The following KRT10 variants were observed in gnomAD, a reference collection of about 807,000 sequenced individuals.
KRT10 encodes keratin, type I cytoskeletal 10.
In KRT10, 40 loss-of-function variants were observed where a neutral mutation model predicts 59.2. That is an observed-to-expected ratio of 0.68 (90% CI 0.52 to 0.88). The LOEUF (loss-of-function observed/expected upper bound fraction) is 0.88, where lower values mean the gene tolerates loss of function less well. KRT10 is among the 40% of genes least tolerant of loss of function. The pLI, the probability that KRT10 is intolerant of heterozygous loss-of-function variation, is 0.00. For missense variants in KRT10, 719 were observed against 749.1 expected (o/e 0.96, Z 0.47); for synonymous variants, 336 against 310.7 (o/e 1.08, Z -0.86).
At chr17:40,819,937 G>T in intron 5 of KRT10, 112 bp downstream of exon 5, 1 of 1,375,496 alleles carries the variant, frequency 7.3e-7, no homozygotes, top group South Asian at 1.2e-5. Flanking sequence ...GCTTCACTTT[G>T]TTTTCTCTTT....
At chr17:40,820,752 T>A in intron 2 of KRT10, 85 bp from the exon 3 acceptor site, 1 of 1,397,132 alleles carries the variant, frequency 7.2e-7, no homozygotes, top group Non-Finnish European at 1.0e-6. Flanking sequence ...AGCAGCTACA[T>A]AGTTGATCTC....
chr17:40,819,028 T>TGCCGCCG lies in KRT10; in HGVS notation c.1506_1507insCGGCGGC (p.Ser503ArgfsTer80). On this transcript the variant is annotated frameshift_variant, in exon 7 of 8. Transcript: ENST00000269576. LOFTEE classifies it high-confidence loss of function. ...CCGCCGGAGCTTCCGCCGCCGGAGC[T>TGCCGCCG]TCCGCCTCCGTAGCCGCCGCCGGAA... is the stretch of plus-strand genomic sequence containing the variant. 1 of 1,341,640 alleles carries TGCCGCCG rather than the reference T, an allele frequency of 7.5e-7. No homozygotes were observed. The highest frequency in any genetic ancestry group is 1.6e-5 in the South Asian group (1 of 63,998). 83.1% of individuals were successfully genotyped at this position (1,341,640 alleles called of 1,614,324 possible).
At chr17:40,819,961 C>G in intron 5 of KRT10, 88 bp downstream of exon 5, 1 of 1,496,084 alleles carries the variant, frequency 6.7e-7, no homozygotes, top group Non-Finnish European at 9.3e-7. Context: ...ACCTCCAACT[C>G]TGCATTTTTT....
chr17:40,822,218 C>T lies in KRT10; in HGVS notation c.368G>A (p.Gly123Asp). 6.2e-7 allele frequency: 1 copy of T among 1,611,300 alleles called. No individual in the cohort carries two copies. The highest frequency in any genetic ancestry group is 8.5e-7 in the Non-Finnish European group (1 of 1,177,800). ...AAAGCCTCCTCCAAAGCCGCCTCCACCAAAGCCGCCTCCACCAAAGCTGCC... is the reference window on the plus strand; with the variant it reads ...AAAGCCTCCTCCAAAGCCGCCTCCATCAAAGCCGCCTCCACCAAAGCTGCC... Reference protein sequence around the residue: ...GGGSFGGGGFGGGGFGGGFGG... With the variant: ...GGGSFGGGGFDGGGFGGGFGG... The change falls in exon 1 of 8, where the codon GGT becomes GAT. Residue 123 changes from glycine (G) to aspartate (D), a missense_variant. By Grantham distance (94) the Gly-to-Asp change is moderately conservative. Transcript: ENST00000269576.
rs1269455273 is a variant in KRT10, at chr17:40,819,606, C to G, written c.1284G>C (p.Gln428His). Residue 428 changes from glutamine to histidine, a missense_variant, in exon 6 of 8, where the codon CAG becomes CAC. Gln to His is a conservative substitution (Grantham distance 24). Around this residue, in one of 4 missense-constraint regions of KRT10, gnomAD observed 315 missense variants for 270.6 expected, o/e 1.16. Coordinates refer to ENST00000269576, the MANE Select transcript of KRT10 (RefSeq NM_000421.5). The part of the protein sequence containing the change: ...LQQIRAETEC[Q>H]NTEYQQLLDI... ...CCAGGAGTTGTTGGTATTCAGTATT[C>G]TGGCACTCGGTTTCAGCTCGAATCT... 1 of 1,614,200 alleles carries G rather than the reference C, an allele frequency of 6.2e-7. No homozygotes were observed. Among genetic ancestry groups the G allele is most frequent in the Non-Finnish European group, 8.5e-7 (1 of 1,180,038 alleles).
rs1199322798 is a variant in KRT10, at chr17:40,819,042, C to A, written c.1493G>T (p.Gly498Val). The change falls in exon 7 of 8, where the codon GGC becomes GTC. Residue 498 changes from glycine (G) to valine (V), a missense_variant. By Grantham distance (109) the Gly-to-Val change is moderately radical. Transcript: ENST00000269576. ...GGGHGGSSGG[G>V]YGGGSSGGGS... Reference sequence around the variant, plus strand: ...GCCGCCGGAGCTTCCGCCTCCGTAGCCGCCGCCGGAACTGCCGCCGTGGCC... The same window carrying A: ...GCCGCCGGAGCTTCCGCCTCCGTAGACGCCGCCGGAACTGCCGCCGTGGCC... The A allele has an allele frequency of 7.4e-7, 1 of 1,348,100 alleles. No individual in the cohort carries two copies. The highest frequency in any genetic ancestry group is 1.5e-5 in the South Asian group (1 of 65,936). 83.5% of individuals were successfully genotyped at this position (1,348,100 alleles called of 1,614,324 possible). A position where few individuals can be genotyped will look rare whatever the true frequency, so the allele number is the denominator to read the frequency against.
In KRT10 at chr17:40,821,021, A is replaced by G. The variant is rs1905350716; in HGVS notation, c.710+14T>C. 1.3e-6 allele frequency: 2 copies of G among 1,593,350 alleles called. No individual in the cohort carries two copies. Among genetic ancestry groups the G allele is most frequent in the Non-Finnish European group, 1.7e-6 (2 of 1,161,128 alleles). ...TTCGTTGTGATAGTATTATACAACG[A>G]TCACTTAACTTACTTCAGCCTGAAG... On this transcript the variant is annotated intron_variant, in intron 2 of 7. Coordinates refer to ENST00000269576, the MANE Select transcript of KRT10 (RefSeq NM_000421.5).
At position 40,819,117 on chromosome 17, in the gene KRT10, T is replaced by TAGCCGCCGCCGAAACTTCCGCCGCCGC. The variant is rs1567707667; in HGVS notation, c.1391_1417dup (p.Gly472_Tyr473insCysGlyGlyGlySerPheGlyGlyGly). Reference sequence around the variant, plus strand: ...TCCGCCGCCGGAGCTTCCGCCGCCGTAGCCGCCGCCGAAACTTCCGCCGCC... The same window carrying TAGCCGCCGCCGAAACTTCCGCCGCCGC: ...TCCGCCGCCGGAGCTTCCGCCGCCGTAGCCGCCGCCGAAACTTCCGCCGCCGCAGCCGCCGCCGAAACTTCCGCCGCC... On this transcript the variant is annotated inframe_insertion, in exon 7 of 8. Coordinates refer to ENST00000269576, the MANE Select transcript of KRT10 (RefSeq NM_000421.5). 6.6e-7 allele frequency: 1 copy of TAGCCGCCGCCGAAACTTCCGCCGCCGC among 1,509,828 alleles called. No homozygotes were observed. Among genetic ancestry groups the TAGCCGCCGCCGAAACTTCCGCCGCCGC allele is most frequent in the Non-Finnish European group, 8.8e-7 (1 of 1,141,268 alleles). The allele number at this position is 1,509,828 out of a possible 1,614,324, so 93.5% of individuals were successfully genotyped here. A position where few individuals can be genotyped will look rare whatever the true frequency, so the allele number is the denominator to read the frequency against.
At position 40,822,006 on chromosome 17, in the gene KRT10, G is replaced by A. The variant is rs771197683; in HGVS notation, c.580C>T (p.Arg194Cys). 4 of 1,614,028 alleles carry A rather than the reference G, an allele frequency of 2.5e-6. No individual in the cohort carries two copies. Among genetic ancestry groups the A allele is most frequent in the Middle Eastern group, 1.6e-4 (1 of 6,062 alleles). Residue 194 changes from arginine to cysteine, a missense_variant, in exon 1 of 8, where the codon CGT (arginine) becomes TGT (cysteine). Transcript: ENST00000269576. ...GTTTTGTAGTATTTGCTGTAGTCAC[G>A]AGGCTCCCCCTGATGTGAGTTGCCA... Reference protein sequence around the residue: ...KHGNSHQGEPRDYSKYYKTID... With the variant: ...KHGNSHQGEPCDYSKYYKTID...
At position 40,818,851 on chromosome 17, in the gene KRT10, A is replaced by G. The variant is rs746333926; in HGVS notation, c.1684T>C (p.Ser562Pro). ...GAGGAGGACTTGTGGCCTCCGCTGG[A>G]GCTGCCGCCGCCGTATCCGCCGCCG... ...SSGGGYGGGS[S>P]SGGHKSSSSG... is the part of the protein sequence containing the mutation. Residue 562 changes from serine (S) to proline (P), a missense_variant, in exon 7 of 8, where the codon TCC (serine) becomes CCC (proline). Around this residue, in one of 4 missense-constraint regions of KRT10, gnomAD observed 315 missense variants for 270.6 expected, o/e 1.16. Transcript: ENST00000269576. 7.1e-7 allele frequency: 1 copy of G among 1,404,494 alleles called. No homozygotes were observed. Among genetic ancestry groups the G allele is most frequent in the Non-Finnish European group, 9.5e-7 (1 of 1,054,680 alleles). 87.0% of individuals were successfully genotyped at this position (1,404,494 alleles called of 1,614,324 possible).
chr17:40,820,490 A>G (rs928004082), intron 3 of KRT10, 21 bp downstream of exon 3: 13 of 1,614,188 alleles, frequency 8.1e-6, no homozygotes, highest in Non-Finnish European at 1.1e-5. Flanking sequence ...TTGGCTGGGA[A>G]AAGTATAACT....
chr17:40,819,530 C>T lies in KRT10; in HGVS notation c.1360G>A (p.Glu454Lys). Residue 454 changes from glutamate (E) to lysine (K), a missense_variant, in exon 6 of 8, where the codon GAA (glutamate) becomes AAA (lysine). By Grantham distance (56) the Glu-to-Lys change is moderately conservative. Around this residue, in one of 4 missense-constraint regions of KRT10, gnomAD observed 315 missense variants for 270.6 expected, o/e 1.16. Transcript: ENST00000269576. Reference protein sequence around the residue: ...NEIQTYRSLLEGEGSSGGGGR... With the variant: ...NEIQTYRSLLKGEGSSGGGGR... The stretch of plus-strand genomic sequence containing the variant: ...TTTAAAATTTACCTTCCCTCTCCTT[C>T]TAGCAGGCTGCGGTAGGTTTGAATT... 6.2e-7 allele frequency: 1 copy of T among 1,613,962 alleles called. No homozygotes were observed. The highest frequency in any genetic ancestry group is 8.5e-7 in the Non-Finnish European group (1 of 1,179,780).
In KRT10 at chr17:40,819,829, T is replaced by A. The variant is rs1020605341; in HGVS notation, c.1156-95A>T. The A allele has an allele frequency of 6.2e-5, 75 of 1,218,878 alleles. No individual in the cohort carries two copies. The African/African-American group carries it at 1.0e-3, about 17-fold the overall frequency. 75.5% of individuals were successfully genotyped at this position (1,218,878 alleles called of 1,614,324 possible). On this transcript the variant is annotated intron_variant, in intron 5 of 7. Transcript: ENST00000269576. ...TTTAGTAAGGCATTATATAGAAGAA[T>A]AAGAAAATGAACAGAATTTGTTGTA...
Position 40,819,038 on chromosome 17 carries a change from G to A in KRT10, c.1497C>T (p.Tyr499=). ...GGHGGSSGGG[Y]GGGSSGGGSS... Reference sequence around the variant, plus strand: ...TTCCGCCGCCGGAGCTTCCGCCTCCGTAGCCGCCGCCGGAACTGCCGCCGT... The same window carrying A: ...TTCCGCCGCCGGAGCTTCCGCCTCCATAGCCGCCGCCGGAACTGCCGCCGT... The change falls in exon 7 of 8, where the codon TAC becomes TAT. Residue 499 remains tyrosine (Y), a synonymous_variant. Transcript: ENST00000269576. The A allele has an allele frequency of 2.2e-6, 3 of 1,379,536 alleles. No individual in the cohort carries two copies. The highest frequency in any genetic ancestry group is 3.0e-5 in the South Asian group (2 of 66,528). The allele number at this position is 1,379,536 out of a possible 1,614,324, so 85.5% of individuals were successfully genotyped here.
Position 40,821,055 on chromosome 17 carries a change from T to C in KRT10, c.690A>G (p.Ala230=), listed in dbSNP as rs752306254. 2 of 1,613,834 alleles carry C rather than the reference T, an allele frequency of 1.2e-6. No homozygotes were observed. Among genetic ancestry groups the C allele is most frequent in the Non-Finnish European group, 1.7e-6 (2 of 1,179,698 alleles). The change falls in exon 2 of 8, where the codon GCA becomes GCG. Residue 230 remains alanine (A), a synonymous_variant. Transcript: ENST00000269576. ...ILLQIDNARL[A]ADDFRLKYEN... Reference sequence around the variant, plus strand: ...CTTACTTCAGCCTGAAGTCATCAGCTGCCAGCCTGGCATTGTCGATCTGAA... The same window carrying C: ...CTTACTTCAGCCTGAAGTCATCAGCCGCCAGCCTGGCATTGTCGATCTGAA...
rs184159044 is a variant in KRT10, at chr17:40,818,938, C to T, written c.1597G>A (p.Gly533Ser). ...GGSSSGGYGG[G>S]SSGGGGGGYG... ...CCGCCGCCGCCGCCGCCGGAACTGC[C>T]ACCACCGTAGCCGCCGCTGGAACTG... The change falls in exon 7 of 8, where the codon GGC (glycine) becomes AGC (serine). Residue 533 changes from glycine (G) to serine (S), a missense_variant. This residue lies in a region of KRT10 where 315 missense variants were observed against 270.6 expected (regional missense o/e 1.16). Coordinates refer to ENST00000269576, the MANE Select transcript of KRT10 (RefSeq NM_000421.5). 1.4e-3 allele frequency: 1,880 copies of T among 1,328,444 alleles called. 27 individuals are homozygous for T. In the African/African-American group the frequency reaches 0.031, roughly 22 times the overall value. 82.3% of individuals were successfully genotyped at this position (1,328,444 alleles called of 1,614,324 possible).
rs763471840 is a variant in KRT10 at position 40,819,610 on chromosome 17, C to T, written c.1280G>A (p.Cys427Tyr). The T allele has an allele frequency of 6.2e-7, 1 of 1,614,200 alleles. No homozygotes were observed. Among genetic ancestry groups the T allele is most frequent in the Non-Finnish European group, 8.5e-7 (1 of 1,180,024 alleles). The change falls in exon 6 of 8, where the codon TGC becomes TAC. Residue 427 changes from cysteine (C) to tyrosine (Y), a missense_variant. This residue lies in a region of KRT10 where 315 missense variants were observed against 270.6 expected (regional missense o/e 1.16). Coordinates refer to ENST00000269576, the MANE Select transcript of KRT10 (RefSeq NM_000421.5). Reference protein sequence around the residue: ...QLQQIRAETECQNTEYQQLLD... With the variant: ...QLQQIRAETEYQNTEYQQLLD... ...GAGTTGTTGGTATTCAGTATTCTGG[C>T]ACTCGGTTTCAGCTCGAATCTGTTG... is the stretch of plus-strand genomic sequence containing the variant.
In KRT10 at chr17:40,821,939, G is replaced by A. The variant is rs757008735; in HGVS notation, c.627+20C>T. On this transcript the variant is annotated intron_variant, in intron 1 of 7. Transcript: ENST00000269576. ...TACATGGACAAGATACTTAAAGCTG[G>A]ATTTAAAAATACCTCTTACCTGATT... 6.2e-7 allele frequency: 1 copy of A among 1,612,834 alleles called. No homozygotes were observed. Among genetic ancestry groups the A allele is most frequent in the African/African-American group, 1.3e-5 (1 of 74,988 alleles).
At chr17:40,818,667 G>A (rs1905159203) in intron 7 of KRT10, 120 bp downstream of exon 7, 2 of 1,507,122 alleles carry the variant, frequency 1.3e-6, no homozygotes, top group East Asian at 2.3e-5. Context: ...GTGAACAAAT[G>A]CAAACGGAAC....
Sources: allele counts gnomAD v4.1 joint callset, GRCh38; gene constraint gnomAD v4.1.1; regional missense constraint gnomAD v4.1.1; transcripts MANE v1.5; gene names NCBI Gene and HGNC (gene_info 2026-07-23, HGNC 2026-07-21).